NCKAP5: variants seen among roughly 807,000 people sequenced by gnomAD.
NCKAP5 encodes the protein nck-associated protein 5.
Under a neutral mutation model 167.0 loss-of-function variants are expected in NCKAP5, and 92 were observed. The ratio of observed to expected loss-of-function variants is 0.55; its 90% CI spans 0.47 to 0.66. The LOEUF is 0.66. Ranked by LOEUF, NCKAP5 falls within the 30% of genes least tolerant of loss-of-function variation. The pLI is 0.00. For synonymous variants in NCKAP5, 891 were observed against 877.4 expected (o/e 1.02, Z -0.27); for missense variants, 2,378 against 2,315.0 (o/e 1.03, Z -0.56).
rs772416301 is a variant in NCKAP5 at position 133,095,742 on chromosome 2, C to T, written c.341+34236G>A. On this transcript the variant is annotated intron_variant, in intron 6 of 19. Transcript: ENST00000409261. ...TATGTGCTCAATAGAGACATAATAG[C>T]ACATACATCATGAGTAGATAAATTA... Among the ~76,000 whole-genome samples the T allele has an allele frequency of 3.0e-4, 46 of 152,202 alleles. 1 individual carries two copies. The highest frequency in any genetic ancestry group is 6.5e-5 in the Admixed American group (1 of 15,280).
intron 19 of NCKAP5, among the ~76,000 whole-genome samples, chr2:132,688,176 G>A (rs919979687): frequency 6.6e-6 from 1 of 152,118 alleles, no homozygotes; most frequent in African/African-American, 2.4e-5. Flanking sequence ...TGAAGAAAAA[G>A]CTGTAAAATT....
intron 2 of NCKAP5, among the ~76,000 whole-genome samples, chr2:133,523,464 A>C (rs1376832830): frequency 6.6e-6 from 1 of 152,148 alleles, no homozygotes; most frequent in Non-Finnish European, 1.5e-5. Context: ...GAAAAACAGT[A>C]ATGCCAAAAG....
chr2:133,018,111 T>C (rs1460116396), intron 6 of NCKAP5, among the ~76,000 whole-genome samples: 6 of 152,168 alleles, frequency 3.9e-5, no homozygotes, highest in Admixed American at 6.5e-5. Context: ...ATCACTCACA[T>C]TGTTGTCTCC....
chr2:133,296,170 G>A (rs1382940540), intron 4 of NCKAP5, among the ~76,000 whole-genome samples: 2 of 152,170 alleles, frequency 1.3e-5, no homozygotes. Flanking sequence ...TATTTGAGGT[G>A]TTTTTCAGAC....
At chr2:133,200,372 A>G (rs1240375566) in intron 5 of NCKAP5, among the ~76,000 whole-genome samples, 1 of 152,058 alleles carries the variant, frequency 6.6e-6, no homozygotes, top group South Asian at 2.1e-4. Flanking sequence ...TTCAATAAAG[A>G]CAAAAATATT....
intron 6 of NCKAP5, among the ~76,000 whole-genome samples, chr2:133,107,986 T>C (rs1018135997): frequency 2.0e-5 from 3 of 152,228 alleles, no homozygotes; most frequent in African/African-American, 7.2e-5. Context: ...TAAGATATAG[T>C]TGTATTACTT....
chr2:132,847,276 T>C (rs1168666088), intron 11 of NCKAP5, among the ~76,000 whole-genome samples: 1 of 152,186 alleles, frequency 6.6e-6, no homozygotes, highest in Non-Finnish European at 1.5e-5. Context: ...GGTAGTGCAA[T>C]ACATTGTACT....
intron 16 of NCKAP5, among the ~76,000 whole-genome samples, chr2:132,740,340 C>G (rs995146705): frequency 2.0e-5 from 3 of 152,108 alleles, no homozygotes; most frequent in Non-Finnish European, 4.4e-5. Context: ...CTCCAGGTTC[C>G]TAAACATCTT....
At chr2:133,338,275 C>G (rs80162631) in intron 3 of NCKAP5, among the ~76,000 whole-genome samples, 1,650 of 152,240 alleles carry the variant, frequency 0.011, 20 homozygotes, top group Middle Eastern at 0.031. Flanking sequence ...CTCTAAGGCT[C>G]CCAACAAATG....
chr2:133,128,870 T>C (rs2082492280), intron 6 of NCKAP5, among the ~76,000 whole-genome samples: 1 of 152,018 alleles, frequency 6.6e-6, no homozygotes, highest in Non-Finnish European at 1.5e-5. Context: ...AGTCCTGGAA[T>C]TACAGGCGTG....
At chr2:133,531,827 T>A (rs924526637) in intron 2 of NCKAP5, among the ~76,000 whole-genome samples, 14 of 152,214 alleles carry the variant, frequency 9.2e-5, no homozygotes, top group African/African-American at 2.9e-4. Context: ...CAGAGATTCA[T>A]GTACCTACTA....
chr2:132,867,725 G>A (rs570533627), intron 10 of NCKAP5, among the ~76,000 whole-genome samples: 9 of 152,248 alleles, frequency 5.9e-5, no homozygotes, highest in Non-Finnish European at 1.0e-4. Context: ...TGGAAGCTAG[G>A]GACCCCAAGG....
chr2:133,099,257 C>T (rs541599945), intron 6 of NCKAP5, among the ~76,000 whole-genome samples: 1 of 152,178 alleles, frequency 6.6e-6, no homozygotes, highest in South Asian at 2.1e-4. Context: ...GTAACAAGTT[C>T]AAATTTTGTA....
intron 6 of NCKAP5, among the ~76,000 whole-genome samples, chr2:133,040,088 A>C (rs1161534003): frequency 2.6e-5 from 4 of 151,992 alleles, no homozygotes; most frequent in Non-Finnish European, 5.9e-5. Flanking sequence ...GAAGTATTTA[A>C]ACTCCTTTAT....
chr2:133,119,258 C>T (rs762699403), intron 6 of NCKAP5, among the ~76,000 whole-genome samples: 2 of 152,168 alleles, frequency 1.3e-5, no homozygotes, highest in African/African-American at 2.4e-5. Flanking sequence ...CTTGTTTCAG[C>T]CTCCCAAAGT....
chr2:133,152,114 C>A (rs1219737637), intron 5 of NCKAP5, among the ~76,000 whole-genome samples: 2 of 152,120 alleles, frequency 1.3e-5, no homozygotes, highest in Admixed American at 1.3e-4. Flanking sequence ...TGCAGGGTAG[C>A]TCTCTGCCTT....
intron 6 of NCKAP5, among the ~76,000 whole-genome samples, chr2:133,060,946 T>C (rs377378187): frequency 1.3e-5 from 2 of 152,038 alleles, no homozygotes; most frequent in East Asian, 3.9e-4. Context: ...CTACAAGCTA[T>C]GGGGACGGCC....
At chr2:133,560,294 C>T (rs573849410) in intron 1 of NCKAP5, among the ~76,000 whole-genome samples, 2 of 152,254 alleles carry the variant, frequency 1.3e-5, no homozygotes, top group African/African-American at 2.4e-5. Flanking sequence ...TGGACGCCTA[C>T]TGTGGGCCAG....
intron 5 of NCKAP5, among the ~76,000 whole-genome samples, chr2:133,191,635 G>A (rs984870544): frequency 1.5e-4 from 23 of 152,108 alleles, no homozygotes; most frequent in Admixed American, 1.2e-3. Flanking sequence ...GGATGAAGCT[G>A]GAAACCATCA....
Sources: allele counts gnomAD v4.1 joint callset (sites outside exome capture counted in the v4.1 genomes callset), GRCh38; gene constraint gnomAD v4.1.1; transcripts MANE v1.5; gene names NCBI Gene and HGNC (gene_info 2026-07-23, HGNC 2026-07-21).